Variants in MCC observed in about 807,000 individuals in gnomAD.
The protein encoded by MCC is colorectal mutant cancer protein.
MCC carries 90 observed loss-of-function variants against 116.2 expected under a neutral mutation model. That is an observed-to-expected ratio of 0.77 (90% CI 0.65 to 0.92). The LOEUF (loss-of-function observed/expected upper bound fraction) is 0.92, where lower values mean the gene tolerates loss of function less well. Ranked by LOEUF, MCC falls within the 40% of genes least tolerant of loss-of-function variation. MCC has a pLI of 0.00. For missense variants in MCC, 1,516 were observed against 1,312.2 expected, an observed-to-expected ratio of 1.16 and a Z score of -2.40; for synonymous variants, 578 against 510.5, an observed-to-expected ratio of 1.13 and a Z score of -1.78.
chr5:113,428,222 GA>G (rs990490491), intron 1 of MCC, among the ~76,000 whole-genome samples: 1 of 152,012 alleles, frequency 6.6e-6, no homozygotes, highest in African/African-American at 2.4e-5. Flanking sequence ...TTAACCACAA[GA>G]AAAACAAATG....
chr5:113,361,717 T>C (rs1768553066), intron 2 of MCC, among the ~76,000 whole-genome samples: 1 of 152,208 alleles, frequency 6.6e-6, no homozygotes, highest in African/African-American at 2.4e-5. Flanking sequence ...CTTCACCCAA[T>C]GTGTGCAGGC....
intron 3 of MCC, among the ~76,000 whole-genome samples, chr5:113,259,053 G>T (rs1488009841): frequency 6.7e-6 from 1 of 149,102 alleles, no homozygotes; most frequent in Non-Finnish European, 1.5e-5. Context: ...ATGTTAAAAG[G>T]TGTTTTATTT....
chr5:113,444,946 A>G (rs1771165415), intron 1 of MCC, among the ~76,000 whole-genome samples: 2 of 152,236 alleles, frequency 1.3e-5, no homozygotes, highest in South Asian at 4.1e-4. Context: ...GGCTCAATGC[A>G]TTTAAGTAAC....
At chr5:113,252,316 T>C (rs1200385931) in intron 3 of MCC, among the ~76,000 whole-genome samples, 1 of 152,176 alleles carries the variant, frequency 6.6e-6, no homozygotes, top group East Asian at 1.9e-4. Flanking sequence ...AGAAGCTTCA[T>C]CTGTATTTAC....
intron 16 of MCC, among the ~76,000 whole-genome samples, chr5:113,048,335 G>A (rs1752255072): frequency 6.6e-6 from 1 of 152,162 alleles, no homozygotes; most frequent in Non-Finnish European, 1.5e-5. Context: ...GCACCATTCT[G>A]AGCAGCGTGA....
At chr5:113,442,983 G>C (rs1275907999) in intron 1 of MCC, among the ~76,000 whole-genome samples, 2 of 152,134 alleles carry the variant, frequency 1.3e-5, no homozygotes, top group Non-Finnish European at 2.9e-5. Context: ...GCTATGCAAG[G>C]TCTTTTTTGG....
chr5:113,206,711 A>C lies in MCC; in HGVS notation c.628-55289T>G, dbSNP rs139305021. On this transcript the variant is annotated intron_variant, in intron 3 of 18. Transcript: ENST00000408903. The stretch of plus-strand genomic sequence containing the variant: ...GCGACAGAGCGAGACTGTCTCAAAA[A>C]AATAAATAAAAATAAAATTTTCAGG... 3.1e-3 allele frequency among the ~76,000 whole-genome samples: 468 copies of C among 152,332 alleles called. 1 individual carries two copies. Among genetic ancestry groups the C allele is most frequent in the African/African-American group, 0.011 (447 of 41,570 alleles).
intron 1 of MCC, 85 bp downstream of exon 1, chr5:113,488,160 T>A (rs1390665653): frequency 1.4e-5 from 19 of 1,338,322 alleles, no homozygotes; most frequent in Non-Finnish European, 1.7e-5. Flanking sequence ...TGCCGCAAGT[T>A]GGGGCGAGGG....
At chr5:113,159,561 G>A (rs1275617350) in intron 3 of MCC, among the ~76,000 whole-genome samples, 3 of 152,174 alleles carry the variant, frequency 2.0e-5, no homozygotes, top group African/African-American at 7.2e-5. Flanking sequence ...GGCAATCCAA[G>A]AGCTCGTGGG....
chr5:113,229,712 T>C (rs1393417243), intron 3 of MCC, among the ~76,000 whole-genome samples: 1 of 152,202 alleles, frequency 6.6e-6, no homozygotes, highest in Non-Finnish European at 1.5e-5. Context: ...ATTTTTACTA[T>C]ACCTTTTCTA....
At chr5:113,216,448 T>G (rs1403624289) in intron 3 of MCC, among the ~76,000 whole-genome samples, 2 of 152,184 alleles carry the variant, frequency 1.3e-5, no homozygotes, top group African/African-American at 2.4e-5. Flanking sequence ...CCTCCATCAG[T>G]GACCTATAGT....
At chr5:113,437,618 T>C (rs1248087412) in intron 1 of MCC, among the ~76,000 whole-genome samples, 2 of 152,182 alleles carry the variant, frequency 1.3e-5, no homozygotes, top group Non-Finnish European at 2.9e-5. Flanking sequence ...CACCTGGAGA[T>C]GAAGGAGAAA....
At chr5:113,149,260 C>G (rs1561403653) in intron 4 of MCC, among the ~76,000 whole-genome samples, 2 of 150,534 alleles carry the variant, frequency 1.3e-5, no homozygotes, top group South Asian at 4.2e-4. Flanking sequence ...CACTGTAAAA[C>G]AAAAAAAGCA....
At chr5:113,089,862 A>G (rs1416089902) in intron 8 of MCC, among the ~76,000 whole-genome samples, 1 of 152,222 alleles carries the variant, frequency 6.6e-6, no homozygotes, top group Non-Finnish European at 1.5e-5. Flanking sequence ...GGAGTTACTT[A>G]GCAATGAGAA....
Position 113,113,651 on chromosome 5 carries a change from CAAAAAA to C in MCC, c.1027+9027_1027+9032del, listed in dbSNP as rs11405354. Among the ~76,000 whole-genome samples, 100 of 108,380 alleles carry C rather than the reference CAAAAAA, an allele frequency of 9.2e-4. 1 individual carries two copies. The highest frequency in any genetic ancestry group is 3.3e-3 in the African/African-American group (90 of 27,468). The allele number at this position is 108,380 out of a possible 152,430, so 71.1% of individuals were successfully genotyped here. A position where few individuals can be genotyped will look rare whatever the true frequency, so the allele number is the denominator to read the frequency against. ...GGACCATAACCCACATATGTTCTTGCAAAAAAAAAAAAAAAAAAAGCTAACCTCAAG... is the reference window on the plus strand; with the variant it reads ...GGACCATAACCCACATATGTTCTTGCAAAAAAAAAAAAAGCTAACCTCAAG... On this transcript the variant is annotated intron_variant, in intron 6 of 18. Coordinates refer to ENST00000408903, the MANE Select transcript of MCC (RefSeq NM_001085377.2).
rs760873189 is a variant in MCC, at chr5:113,143,302, C to T, written c.800G>A (p.Arg267His). ...HEDVQERTTL[R>H]YEERITELHS... ...GAGCTCTGTGATGCGTTCCTCATAG[C>T]GAAGTGTCGTTCGCTCCTGGACATC... is the stretch of plus-strand genomic sequence containing the variant. Residue 267 changes from arginine (R) to histidine (H), a missense_variant, in exon 5 of 19, where the codon CGC becomes CAC. Transcript: ENST00000408903. 2.4e-5 allele frequency: 39 copies of T among 1,613,702 alleles called. No individual in the cohort carries two copies. The highest frequency in any genetic ancestry group is 3.3e-5 in the Admixed American group (2 of 59,958).
chr5:113,063,915 C>A, intron 14 of MCC, 69 bp downstream of exon 14: 1 of 1,494,346 alleles, frequency 6.7e-7, no homozygotes, highest in Non-Finnish European at 9.1e-7. Context: ...TGGGTCACTG[C>A]ACACCAAGTC....
At chr5:113,228,524 G>C (rs1279153587) in intron 3 of MCC, among the ~76,000 whole-genome samples, 1 of 152,164 alleles carries the variant, frequency 6.6e-6, no homozygotes, top group Non-Finnish European at 1.5e-5. Context: ...TGAAATGCTA[G>C]AGGAACAGCA....
intron 3 of MCC, among the ~76,000 whole-genome samples, chr5:113,165,661 G>A (rs192759584): frequency 2.0e-4 from 31 of 152,156 alleles, no homozygotes; most frequent in African/African-American, 5.3e-4. Flanking sequence ...TAAAAGAAAC[G>A]TTTCCTTGGG....
Sources: gnomAD v4.1 joint callset for allele counts (sites outside exome capture counted in the v4.1 genomes callset) on GRCh38, gnomAD v4.1.1 for gene constraint, MANE v1.5 for transcripts, NCBI Gene and HGNC (gene_info 2026-07-23, HGNC 2026-07-21) for gene names.